The following EPB41 variants were observed in gnomAD, a reference collection of about 807,000 sequenced individuals.
The protein encoded by EPB41 is erythrocyte membrane protein band 4.1, also known as protein 4.1.
Under a neutral mutation model 108.0 loss-of-function variants are expected in EPB41, and 65 were observed. The observed-to-expected ratio is 0.60, with a 90% CI of 0.49 to 0.74. The LOEUF is 0.74. EPB41 is among the 30% of genes least tolerant of loss of function. The pLI is 0.00. For missense variants in EPB41, 875 were observed against 1,037.0 expected, an observed-to-expected ratio of 0.84 and a Z score of 2.15; for synonymous variants, 336 against 358.9, an observed-to-expected ratio of 0.94 and a Z score of 0.72.
At chr1:29,044,822 C>G (rs113539292) in intron 11 of EPB41, among the ~76,000 whole-genome samples, 64 of 152,232 alleles carry the variant, frequency 4.2e-4, no homozygotes, top group African/African-American at 1.5e-3. Context: ...TGCACTCCAG[C>G]CTGGATGACA....
rs754775328 is a variant in EPB41 at position 29,053,331 on chromosome 1, TA to T, written c.1845+20del. 16 of 1,613,976 alleles carry T rather than the reference TA, an allele frequency of 9.9e-6. No homozygotes were observed. Among genetic ancestry groups the T allele is most frequent in the Non-Finnish European group, 1.3e-5 (15 of 1,179,928 alleles). On this transcript the variant is annotated intron_variant, in intron 12 of 20. Transcript: ENST00000343067. The stretch of plus-strand genomic sequence containing the variant: ...ATGGAAGGTATGTCATCAGTCCAAA[TA>T]CCTAGCTAACTCACTTTCTGATTTA...
chr1:28,952,384 T>C (rs2094768565), intron 1 of EPB41, among the ~76,000 whole-genome samples: 3 of 151,926 alleles, frequency 2.0e-5, no homozygotes, highest in South Asian at 4.2e-4. Context: ...AAATTAGCCA[T>C]GCATGGTGGC....
chr1:28,942,841 A>G (rs1203660815), intron 1 of EPB41, among the ~76,000 whole-genome samples: 2 of 152,172 alleles, frequency 1.3e-5, no homozygotes, highest in Admixed American at 1.3e-4. Flanking sequence ...GCCATCACTC[A>G]ATTCATTAGT....
At position 28,953,951 on chromosome 1, in the gene EPB41, C is replaced by A. The variant is rs2094845088; in HGVS notation, c.-7-33480C>A. Among the ~76,000 whole-genome samples the A allele has an allele frequency of 2.0e-5, 3 of 152,148 alleles. No individual in the cohort carries two copies. In the South Asian group the frequency reaches 6.2e-4, roughly 31 times the overall value. ...CAAGTTCCCAGGTGATATCAGTGCT[C>A]CTGGTTAGGGGACCACACTTTGAGA... On this transcript the variant is annotated intron_variant, in intron 1 of 20. Transcript: ENST00000343067.
intron 5 of EPB41, among the ~76,000 whole-genome samples, chr1:29,015,128 A>G (rs2096561047): frequency 6.6e-6 from 1 of 152,232 alleles, no homozygotes; most frequent in African/African-American, 2.4e-5. Flanking sequence ...TATAAATCAA[A>G]CGATTATATT....
chr1:29,022,286 T>A (rs2096655656), intron 7 of EPB41, among the ~76,000 whole-genome samples: 1 of 151,702 alleles, frequency 6.6e-6, no homozygotes, highest in Non-Finnish European at 1.5e-5. Flanking sequence ...GACCAATGGA[T>A]TTTAATGTAA....
At chr1:28,929,843 C>CTTTT (rs56337991) in intron 1 of EPB41, among the ~76,000 whole-genome samples, 5,803 of 101,474 alleles carry the variant, frequency 0.057, 173 homozygotes, top group East Asian at 0.16. Context: ...ACTGGGCCTT[C>CTTTT]TTTTTTTTTT....
chr1:28,925,005 ACCCAGGCTGGAGTGCAGTAG>A (rs1442065405), intron 1 of EPB41, among the ~76,000 whole-genome samples: 4 of 145,110 alleles, frequency 2.8e-5, no homozygotes, highest in African/African-American at 1.0e-4. Context: ...TCGCTCTGTC[ACCCAGGCTGGAGTGCAGTAG>A]CGCGATCTCG....
chr1:28,945,950 A>T (rs2094473755), intron 1 of EPB41, among the ~76,000 whole-genome samples: 1 of 152,222 alleles, frequency 6.6e-6, no homozygotes. Context: ...AACTAGCCAG[A>T]GTATCCCAAC....
At chr1:29,032,097 TA>T (rs76135314) in intron 8 of EPB41, among the ~76,000 whole-genome samples, 458 of 127,978 alleles carry the variant, frequency 3.6e-3, no homozygotes, top group Admixed American at 4.2e-3. Flanking sequence ...GACTCTGTCT[TA>T]AAAAAAAAAA....
intron 1 of EPB41, among the ~76,000 whole-genome samples, chr1:28,960,563 CAA>C (rs397860826): frequency 2.1e-5 from 1 of 46,898 alleles, no homozygotes; most frequent in Admixed American, 2.3e-4. Context: ...CTCGTCTCTA[CAA>C]AAAAAAAAAA....
At chr1:28,963,052 G>A (rs575138249) in intron 1 of EPB41, among the ~76,000 whole-genome samples, 7 of 152,200 alleles carry the variant, frequency 4.6e-5, no homozygotes, top group Non-Finnish European at 7.4e-5. Context: ...TGCTTGGTGA[G>A]TGACAGTAGT....
intron 3 of EPB41, among the ~76,000 whole-genome samples, chr1:28,994,640 T>TATTTATTC (rs2096119832): frequency 2.7e-5 from 3 of 113,178 alleles, no homozygotes; most frequent in Non-Finnish European, 3.7e-5. Context: ...CTATTTTATT[T>TATTTATTC]ATTTATTTAT....
intron 1 of EPB41, among the ~76,000 whole-genome samples, chr1:28,907,362 C>G (rs1371982630): frequency 6.7e-6 from 1 of 148,348 alleles, no homozygotes; most frequent in Non-Finnish European, 1.5e-5. Context: ...CCACTGCACC[C>G]GGCCTTCTTT....
At chr1:28,980,840 A>G (rs2095724009) in intron 1 of EPB41, among the ~76,000 whole-genome samples, 1 of 126,700 alleles carries the variant, frequency 7.9e-6, no homozygotes. Context: ...TCTGTCACCC[A>G]GGCTGGAATG....
chr1:28,950,607 A>G (rs1185889576), intron 1 of EPB41, among the ~76,000 whole-genome samples: 1 of 152,248 alleles, frequency 6.6e-6, no homozygotes. Flanking sequence ...AGAAGGCCAA[A>G]GGGCCTCCCC....
intron 8 of EPB41, among the ~76,000 whole-genome samples, chr1:29,031,250 T>C (rs894618871): frequency 6.6e-6 from 1 of 152,172 alleles, no homozygotes; most frequent in African/African-American, 2.4e-5. Flanking sequence ...GAAAAAGAAA[T>C]TGATTTTCCT....
At chr1:28,904,619 C>T (rs1350288617) in intron 1 of EPB41, among the ~76,000 whole-genome samples, 1 of 152,116 alleles carries the variant, frequency 6.6e-6, no homozygotes, top group East Asian at 1.9e-4. Flanking sequence ...ACACCAAGGC[C>T]AGGCGCGGTG....
chr1:29,017,972 C>T (rs1414976345), intron 6 of EPB41, among the ~76,000 whole-genome samples: 1 of 151,998 alleles, frequency 6.6e-6, no homozygotes, highest in Admixed American at 6.6e-5. Flanking sequence ...AATATAGTTA[C>T]AGTATTTTTT....
Sources: gnomAD v4.1 joint callset for allele counts (sites outside exome capture counted in the v4.1 genomes callset) on GRCh38, gnomAD v4.1.1 for gene constraint, MANE v1.5 for transcripts, NCBI Gene and HGNC (gene_info 2026-07-23, HGNC 2026-07-21) for gene names.